STRN4: variants seen among roughly 807,000 people sequenced by gnomAD.
STRN4 encodes striatin-4.
STRN4 carries 27 observed loss-of-function variants against 77.9 expected under a neutral mutation model. The ratio of observed to expected loss-of-function variants is 0.35; its 90% CI spans 0.26 to 0.48. The LOEUF is 0.48. STRN4 is among the 20% of genes least tolerant of loss of function. The probability of loss-of-function intolerance (pLI) is 0.99; values close to 1 mark genes in which losing one functional copy is unlikely to be tolerated. For missense variants in STRN4, 798 were observed against 1,049.7 expected, an observed-to-expected ratio of 0.76 and a Z score of 3.31; for synonymous variants, 466 against 443.1, an observed-to-expected ratio of 1.05 and a Z score of -0.65.
chr19:46,736,552 CA>C (rs777686904), intron 4 of STRN4: 5,486 of 49,010 alleles, frequency 0.11, 90 homozygotes, highest in African/African-American at 0.17. Flanking sequence ...GCCACTGAGA[CA>C]AAAAAAAAAA....
At chr19:46,737,470 C>T (rs1223571443) in intron 3 of STRN4, among the ~76,000 whole-genome samples, 2 of 152,136 alleles carry the variant, frequency 1.3e-5, no homozygotes, top group African/African-American at 4.8e-5. Context: ...CAGGTAATGA[C>T]CATCACTATC....
rs202237341 is a variant in STRN4, at chr19:46,725,554, T to C, written c.1343A>G (p.His448Arg). ...YDGIRSLAFH[H>R]SQSALLTASE... is the part of the protein sequence containing the mutation. ...GGCGGTGAGCAGAGCCGACTGGCTGTGGTGGAAGGCCAGGGAACGAATGCC... is the reference window on the plus strand; with the variant it reads ...GGCGGTGAGCAGAGCCGACTGGCTGCGGTGGAAGGCCAGGGAACGAATGCC... The change falls in exon 10 of 18, where the codon CAC becomes CGC. Residue 448 changes from histidine to arginine, a missense_variant. This residue lies in a region of STRN4 where 287 missense variants were observed against 473.8 expected (regional missense o/e 0.61). Transcript: ENST00000263280. 4 of 1,613,438 alleles carry C rather than the reference T, an allele frequency of 2.5e-6. No individual in the cohort carries two copies. The highest frequency in any genetic ancestry group is 2.5e-6 in the Non-Finnish European group (3 of 1,179,944).
intron 16 of STRN4, 90 bp downstream of exon 16, chr19:46,721,896 G>C (rs1263696012): frequency 3.8e-5 from 56 of 1,477,694 alleles, no homozygotes; most frequent in Non-Finnish European, 4.9e-5. Flanking sequence ...CCTGGCCCCC[G>C]GGGCCCCCTG....
intron 1 of STRN4, among the ~76,000 whole-genome samples, chr19:46,744,422 T>C (rs1344525012): frequency 2.0e-5 from 3 of 152,150 alleles, no homozygotes; most frequent in African/African-American, 4.8e-5. Context: ...CTCACTCTTT[T>C]GCCCAGGCTG....
At chr19:46,721,785 T>G in intron 16 of STRN4, 6 of 573,204 alleles carry the variant, frequency 1.0e-5, no homozygotes, top group Non-Finnish European at 1.2e-5. Flanking sequence ...AGAGGCCGAA[T>G]GAGACGATGC....
Position 46,722,340 on chromosome 19 carries a change from C to T in STRN4, c.1907G>A (p.Gly636Asp). The T allele has an allele frequency of 6.2e-7, 1 of 1,613,896 alleles. No homozygotes were observed. The highest frequency in any genetic ancestry group is 1.1e-5 in the South Asian group (1 of 91,068). ...CACCACTTGGTTGATCTGGGTTGGA[C>T]CTGAAGGAAAACGCAGGAAGAGGGA... ...LLTLESRGSS[G>D]PTQINQVVSH... The change falls in exon 15 of 18, where the codon GGT (glycine) becomes GAT (aspartate). Residue 636 changes from glycine to aspartate, a missense_variant and splice_region_variant. Transcript: ENST00000263280.
At chr19:46,722,730 G>A in intron 14 of STRN4, 80 bp downstream of exon 14, 3 of 1,577,812 alleles carry the variant, frequency 1.9e-6, no homozygotes, top group Admixed American at 3.4e-5. Flanking sequence ...TGACTGACAA[G>A]GGGTCGCCAA....
chr19:46,720,922 C>G, intron 16 of STRN4, 151 bp from the exon 17 acceptor site: 2 of 879,510 alleles, frequency 2.3e-6, no homozygotes, highest in Non-Finnish European at 3.2e-6. Flanking sequence ...TCCTGTGGCC[C>G]GCCCAAAGGA....
intron 12 of STRN4, among the ~76,000 whole-genome samples, chr19:46,724,513 T>C (rs981704334): frequency 7.9e-5 from 12 of 152,166 alleles, no homozygotes; most frequent in African/African-American, 2.7e-4. Context: ...GCCACGCCTG[T>C]GCATGGGCTG....
In STRN4 at chr19:46,733,445, G is replaced by A; in HGVS notation, c.540-209C>T. On this transcript the variant is annotated intron_variant, in intron 4 of 17. Transcript: ENST00000263280. This position sits in a 1 kb window ranked among gnomAD's most constrained non-coding sequence, Gnocchi z 4.3. The stretch of plus-strand genomic sequence containing the variant: ...CACACACACAATGCTATGTGTGAGG[G>A]TGCTCCCTGCACTGCTGTATGGGGA... 1 of 582,424 alleles carries A rather than the reference G, an allele frequency of 1.7e-6. No individual in the cohort carries two copies. The highest frequency in any genetic ancestry group is 3.1e-6 in the Non-Finnish European group (1 of 325,650). 36.1% of individuals were successfully genotyped at this position (582,424 alleles called of 1,614,324 possible).
intron 6 of STRN4, 66 bp from the exon 7 acceptor site, chr19:46,728,843 C>T: frequency 6.3e-7 from 1 of 1,586,386 alleles, no homozygotes. Context: ...CACCTCCGTG[C>T]CTAGGAACAG....
intron 1 of STRN4, 119 bp downstream of exon 1, chr19:46,746,030 C>G: frequency 1.7e-6 from 2 of 1,211,962 alleles, no homozygotes; most frequent in Non-Finnish European, 2.1e-6. Flanking sequence ...GGTCCCCTCC[C>G]GCCCCCCCGC....
chr19:46,730,586 C>T (rs2054225492), intron 6 of STRN4, 146 bp downstream of exon 6: 2 of 1,284,452 alleles, frequency 1.6e-6, no homozygotes, highest in Admixed American at 2.2e-5. Flanking sequence ...CTGCTGGCCA[C>T]AAGCTCCTCC....
intron 1 of STRN4, among the ~76,000 whole-genome samples, chr19:46,743,868 A>C (rs1224925808): frequency 6.6e-6 from 1 of 151,326 alleles, no homozygotes. Context: ...ATGCCACTGC[A>C]CTCCACCCTG....
chr19:46,724,249 C>CAAAAAAAAAAAAAAAAAAAAA lies in STRN4; in HGVS notation c.1594+537_1594+557dup, dbSNP rs71970589. ...GGTGACAGAGTGAGACTCTTTGTCT[C>CAAAAAAAAAAAAAAAAAAAAA]AAAAAAAAAAAAAAAAAAAAAAAAA... On this transcript the variant is annotated intron_variant, in intron 12 of 17. Coordinates refer to ENST00000263280, the MANE Select transcript of STRN4 (RefSeq NM_013403.3). Among the ~76,000 whole-genome samples the CAAAAAAAAAAAAAAAAAAAAA allele has an allele frequency of 1.1e-4, 10 of 87,204 alleles. 1 individual carries two copies. Among genetic ancestry groups the CAAAAAAAAAAAAAAAAAAAAA allele is most frequent in the African/African-American group, 4.6e-4 (9 of 19,602 alleles). The allele number at this position is 87,204 out of a possible 152,430, so 57.2% of individuals were successfully genotyped here. A position where few individuals can be genotyped will look rare whatever the true frequency, so the allele number is the denominator to read the frequency against.
At chr19:46,726,483 CA>C (rs35238185) in intron 9 of STRN4, among the ~76,000 whole-genome samples, 57,405 of 134,128 alleles carry the variant, frequency 0.43, 11,547 homozygotes, top group African/African-American at 0.51. Context: ...CCTCAAGGAG[CA>C]AAAAAAAAAA....
At position 46,725,550 on chromosome 19, in the gene STRN4, G is replaced by C; in HGVS notation, c.1347C>G (p.Ser449Arg). Residue 449 changes from serine to arginine, a missense_variant, in exon 10 of 18, where the codon AGC becomes AGG. Around this residue, in one of 2 missense-constraint regions of STRN4, gnomAD observed 287 missense variants for 473.8 expected, o/e 0.61. Coordinates refer to ENST00000263280, the MANE Select transcript of STRN4 (RefSeq NM_013403.3). The part of the protein sequence containing the change: ...DGIRSLAFHH[S>R]QSALLTASED... ...CGGAGGCGGTGAGCAGAGCCGACTG[G>C]CTGTGGTGGAAGGCCAGGGAACGAA... The C allele has an allele frequency of 6.2e-7, 1 of 1,614,210 alleles. No homozygotes were observed. The highest frequency in any genetic ancestry group is 8.5e-7 in the Non-Finnish European group (1 of 1,180,044).
rs577261772 is a variant in STRN4, at chr19:46,733,310, C to G, written c.540-74G>C. On this transcript the variant is annotated intron_variant, in intron 4 of 17. Coordinates refer to ENST00000263280, the MANE Select transcript of STRN4 (RefSeq NM_013403.3). This position sits in a 1 kb window ranked among gnomAD's most constrained non-coding sequence, Gnocchi z 4.3. ...ATGTACCACAGGGGCCAATGCAAAC[C>G]GAGACAACCTCTTAAGGGGCCACTT... is the stretch of plus-strand genomic sequence containing the variant. The G allele has an allele frequency of 1.4e-5, 21 of 1,466,702 alleles. No individual in the cohort carries two copies. Among genetic ancestry groups the G allele is most frequent in the Admixed American group, 1.9e-5 (1 of 51,460 alleles). The allele number at this position is 1,466,702 out of a possible 1,614,324, so 90.9% of individuals were successfully genotyped here. A position where few individuals can be genotyped will look rare whatever the true frequency, so the allele number is the denominator to read the frequency against.
At chr19:46,725,835 A>G in intron 9 of STRN4, 187 bp from the exon 10 acceptor site, 2 of 706,456 alleles carry the variant, frequency 2.8e-6, no homozygotes, top group Non-Finnish European at 4.6e-6. Context: ...TGCTCGCCCA[A>G]CAAGTCCCCA....
Sources: allele counts gnomAD v4.1 joint callset (sites outside exome capture counted in the v4.1 genomes callset), GRCh38; gene constraint gnomAD v4.1.1; regional missense constraint gnomAD v4.1.1; non-coding constraint Gnocchi (gnomAD v3.1); transcripts MANE v1.5; gene names NCBI Gene and HGNC (gene_info 2026-07-23, HGNC 2026-07-21).